QSOX1: variants seen among roughly 807,000 people sequenced by gnomAD.
The protein encoded by QSOX1 is quiescin sulfhydryl oxidase 1.
A neutral mutation model predicts 76.1 loss-of-function variants in QSOX1; 40 were observed. That is an observed-to-expected ratio of 0.53 (90% CI 0.41 to 0.68). The LOEUF (loss-of-function observed/expected upper bound fraction) is 0.68, where lower values mean the gene tolerates loss of function less well. Among genes scored for constraint, QSOX1 ranks in the 30% least tolerant of loss-of-function variants. QSOX1 has a pLI of 0.00. For missense variants in QSOX1, 931 were observed against 974.3 expected (o/e 0.96, Z 0.59); for synonymous variants, 392 against 413.1 (o/e 0.95, Z 0.62).
intron 2 of QSOX1, among the ~76,000 whole-genome samples, chr1:180,171,404 A>C (rs903676951): frequency 6.6e-6 from 1 of 151,694 alleles, no homozygotes; most frequent in Non-Finnish European, 1.5e-5. Context: ...ACAAGTGGCA[A>C]AGCAGGTTGA....
intron 10 of QSOX1, among the ~76,000 whole-genome samples, chr1:180,190,947 G>A (rs538839636): frequency 3.3e-5 from 5 of 152,294 alleles, no homozygotes; most frequent in East Asian, 1.9e-4. Flanking sequence ...AGAAAAAAAC[G>A]TGTATTTTAC....
In QSOX1 at chr1:180,197,922, C is replaced by T. The variant is rs1255528956; in HGVS notation, c.*885C>T. On this transcript the variant is annotated 3_prime_UTR_variant, in exon 12 of 12. Transcript: ENST00000367602. Reference sequence around the variant, plus strand: ...TCTTCTCTCTCCAGGTTTCACCTTCCAGTGTGCAGAAGTTAGAAGGGTCTG... The same window carrying T: ...TCTTCTCTCTCCAGGTTTCACCTTCTAGTGTGCAGAAGTTAGAAGGGTCTG... 6.2e-6 allele frequency: 2 copies of T among 324,242 alleles called. No individual in the cohort carries two copies. Among genetic ancestry groups the T allele is most frequent in the East Asian group, 8.1e-5 (1 of 12,302 alleles). 20.1% of individuals were successfully genotyped at this position (324,242 alleles called of 1,614,324 possible).
chr1:180,190,874 A>G (rs529977009), intron 10 of QSOX1, among the ~76,000 whole-genome samples: 76 of 152,286 alleles, frequency 5.0e-4, no homozygotes, highest in African/African-American at 1.8e-3. Flanking sequence ...CCGGGCTTAT[A>G]GTTTGCTTTG....
chr1:180,163,157 A>C (rs549249720), intron 1 of QSOX1, among the ~76,000 whole-genome samples: 4 of 151,502 alleles, frequency 2.6e-5, no homozygotes, highest in Non-Finnish European at 5.9e-5. Context: ...CACAAAAACT[A>C]TAAGTTAGCC....
rs1249457758 is a variant in QSOX1, at chr1:180,196,997, TAAGGGCCCTG to T, written c.2212_2221del (p.Leu738MetfsTer55). The T allele has an allele frequency of 6.2e-7, 1 of 1,612,320 alleles. No homozygotes were observed. Among genetic ancestry groups the T allele is most frequent in the Non-Finnish European group, 8.5e-7 (1 of 1,179,082 alleles). ...ATGTACACCTACTTCCAGGCCAAGA[TAAGGGCCCTG>T]AAGGGCCATGCTGGCCACCCTGCAG... On this transcript the variant is annotated frameshift_variant, in exon 12 of 12. Transcript: ENST00000367602. LOFTEE classifies it high-confidence loss of function. This position sits in a 1 kb window ranked among gnomAD's most constrained non-coding sequence, Gnocchi z 4.1.
chr1:180,190,937 A>G (rs534392228), intron 10 of QSOX1, among the ~76,000 whole-genome samples: 118 of 152,306 alleles, frequency 7.7e-4, no homozygotes, highest in Non-Finnish European at 1.4e-3. Flanking sequence ...CTCTTAACAA[A>G]GAAAAAAACG....
intron 1 of QSOX1, 61 bp downstream of exon 1, chr1:180,155,233 G>A (rs1160536362): frequency 1.5e-6 from 2 of 1,379,028 alleles, no homozygotes; most frequent in Non-Finnish European, 1.9e-6. Context: ...CCACCTGCCC[G>A]GTGGGCAGCC....
intron 5 of QSOX1, among the ~76,000 whole-genome samples, chr1:180,180,600 C>T (rs1663006486): frequency 6.6e-6 from 1 of 152,254 alleles, no homozygotes; most frequent in Non-Finnish European, 1.5e-5. Context: ...CTGCAAGCTC[C>T]ACCTGTCAGG....
chr1:180,196,473 C>A lies in QSOX1; in HGVS notation c.1680C>A (p.Ala560=), dbSNP rs61738533. Residue 560 remains alanine, a synonymous_variant, in exon 12 of 12, where the codon GCC becomes GCA. Coordinates refer to ENST00000367602, the MANE Select transcript of QSOX1 (RefSeq NM_002826.5). The surrounding 1 kb of genome is among the most constrained non-coding windows in gnomAD (Gnocchi z 4.1). ...GGAGGGATGTGCAGAATGTGGCAGC[C>A]GCCCCAGAGCTGGCGATGGGAGCCC... ...AARRDVQNVA[A]APELAMGALE... 5,027 of 1,613,746 alleles carry A rather than the reference C, an allele frequency of 3.1e-3. 118 individuals are homozygous for A. The African/African-American group carries it at 0.057, about 18-fold the overall frequency.
rs185842797 is a variant in QSOX1, at chr1:180,190,765, G to T, written c.1288+185G>T. 4.2e-3 allele frequency among the ~76,000 whole-genome samples: 640 copies of T among 152,292 alleles called. 5 individuals are homozygous for T. Among genetic ancestry groups the T allele is most frequent in the Non-Finnish European group, 6.6e-3 (450 of 68,022 alleles). Reference sequence around the variant, plus strand: ...ATCTGCAGGTAGCCCCACACGGCCAGAATAGAACCAATCCCAGGAGGGAGC... The same window carrying T: ...ATCTGCAGGTAGCCCCACACGGCCATAATAGAACCAATCCCAGGAGGGAGC... On this transcript the variant is annotated intron_variant, in intron 10 of 11. Coordinates refer to ENST00000367602, the MANE Select transcript of QSOX1 (RefSeq NM_002826.5).
chr1:180,190,347 T>C, intron 9 of QSOX1, 86 bp from the exon 10 acceptor site: 9 of 1,458,698 alleles, frequency 6.2e-6, no homozygotes, highest in Non-Finnish European at 8.6e-6. Context: ...TCATTTGTCT[T>C]AGGGCTGTCT....
chr1:180,196,986 C>T lies in QSOX1; in HGVS notation c.2193C>T (p.Phe731=). 2 of 1,612,572 alleles carry T rather than the reference C, an allele frequency of 1.2e-6. No homozygotes were observed. Among genetic ancestry groups the T allele is most frequent in the Non-Finnish European group, 1.7e-6 (2 of 1,179,074 alleles). ...FMGLLAMYTY[F]QAKIRALKGH... Reference sequence around the variant, plus strand: ...GCCTGCTGGCCATGTACACCTACTTCCAGGCCAAGATAAGGGCCCTGAAGG... The same window carrying T: ...GCCTGCTGGCCATGTACACCTACTTTCAGGCCAAGATAAGGGCCCTGAAGG... The change falls in exon 12 of 12, where the codon TTC becomes TTT. Residue 731 remains phenylalanine (F), a synonymous_variant. Coordinates refer to ENST00000367602, the MANE Select transcript of QSOX1 (RefSeq NM_002826.5). The surrounding 1 kb of genome is among the most constrained non-coding windows in gnomAD (Gnocchi z 4.1).
chr1:180,175,510 C>G (rs1662867643), intron 3 of QSOX1, 144 bp downstream of exon 3: 1 of 851,560 alleles, frequency 1.2e-6, no homozygotes, highest in Non-Finnish European at 2.0e-6. Flanking sequence ...TAACTTGTGT[C>G]TTCCCAAAAC....
At position 180,203,277 on chromosome 1, in the gene QSOX1, T is replaced by C. The variant is rs541416117; in HGVS notation, c.*6240T>C. On this transcript the variant is annotated 3_prime_UTR_variant, in exon 12 of 12. Transcript: ENST00000367602. ...ACATAAGTTACTATTGTTATATATA[T>C]GCTAACGTTTGTCTAGAAAAAGTCT... 8 of 152,320 alleles carry C rather than the reference T, an allele frequency of 5.3e-5. No individual in the cohort carries two copies. The highest frequency in any genetic ancestry group is 8.8e-5 in the Non-Finnish European group (6 of 68,038). 9.4% of individuals were successfully genotyped at this position (152,320 alleles called of 1,614,324 possible).
At chr1:180,181,329 C>T (rs1558189253) in intron 5 of QSOX1, among the ~76,000 whole-genome samples, 1 of 152,178 alleles carries the variant, frequency 6.6e-6, no homozygotes, top group Non-Finnish European at 1.5e-5. Flanking sequence ...TGCAGATGGC[C>T]TGTCCGATTA....
intron 10 of QSOX1, among the ~76,000 whole-genome samples, chr1:180,193,828 TGG>T (rs1663386571): frequency 6.6e-6 from 1 of 151,666 alleles, no homozygotes; most frequent in African/African-American, 2.4e-5. Context: ...GCAGCATGAG[TGG>T]GCAGGGGAGG....
At position 180,201,106 on chromosome 1, in the gene QSOX1, AT is replaced by A. The variant is rs1284426342; in HGVS notation, c.*4071del. Reference sequence around the variant, plus strand: ...GACCTTGGCTCAGCTCGTCTGTGAAATTGGGGCCGCAGACTTAGTTTGCGGG... The same window carrying A: ...GACCTTGGCTCAGCTCGTCTGTGAAATGGGGCCGCAGACTTAGTTTGCGGG... On this transcript the variant is annotated 3_prime_UTR_variant, in exon 12 of 12. Transcript: ENST00000367602. 4 of 152,128 alleles carry A rather than the reference AT, an allele frequency of 2.6e-5. No individual in the cohort carries two copies. Among genetic ancestry groups the A allele is most frequent in the Admixed American group, 6.5e-5 (1 of 15,284 alleles). The allele number at this position is 152,128 out of a possible 1,614,324, so 9.4% of individuals were successfully genotyped here. A position where few individuals can be genotyped will look rare whatever the true frequency, so the allele number is the denominator to read the frequency against.
intron 1 of QSOX1, 64 bp downstream of exon 1, chr1:180,155,236 G>GGA: frequency 7.3e-7 from 1 of 1,378,854 alleles, no homozygotes; most frequent in Non-Finnish European, 9.4e-7. Flanking sequence ...CCTGCCCGGT[G>GGA]GGCAGCCTCC....
chr1:180,192,729 A>T (rs1218102311), intron 10 of QSOX1, among the ~76,000 whole-genome samples: 1 of 152,088 alleles, frequency 6.6e-6, no homozygotes, highest in Non-Finnish European at 1.5e-5. Context: ...TAGACCTCCC[A>T]ATGGAGGTGT....
Sources: gnomAD v4.1 joint callset for allele counts (sites outside exome capture counted in the v4.1 genomes callset) on GRCh38, gnomAD v4.1.1 for gene constraint, Gnocchi (gnomAD v3.1) non-coding constraint, MANE v1.5 for transcripts, NCBI Gene and HGNC (gene_info 2026-07-23, HGNC 2026-07-21) for gene names.